WNK2: variants seen among roughly 807,000 people sequenced by gnomAD.
WNK2 encodes the protein serine/threonine-protein kinase WNK2.
A neutral mutation model predicts 192.1 loss-of-function variants in WNK2; 67 were observed. That is an observed-to-expected ratio of 0.35 (90% CI 0.29 to 0.43). WNK2 has a LOEUF of 0.43. Among genes scored for constraint, WNK2 ranks in the 20% least tolerant of loss-of-function variants. The pLI is 1.00. For missense variants in WNK2, 2,698 were observed against 3,089.7 expected (o/e 0.87, Z 3.01); for synonymous variants, 1,439 against 1,393.9 (o/e 1.03, Z -0.72).
At chr9:93,300,771 C>T (rs1295675575) in intron 26 of WNK2, among the ~76,000 whole-genome samples, 3 of 152,156 alleles carry the variant, frequency 2.0e-5, no homozygotes, top group Admixed American at 6.5e-5. Flanking sequence ...GCTGAGAGAA[C>T]GTGCTCCAGT....
intron 21 of WNK2, among the ~76,000 whole-genome samples, chr9:93,292,026 G>A (rs183450975): frequency 1.3e-5 from 2 of 152,362 alleles, no homozygotes; most frequent in Admixed American, 1.3e-4. Context: ...CTGCATGAGG[G>A]TGCCCGGGGC....
At chr9:93,210,127 G>T (rs116180315) in intron 2 of WNK2, among the ~76,000 whole-genome samples, 2,266 of 152,296 alleles carry the variant, frequency 0.015, 62 homozygotes, top group African/African-American at 0.052. Context: ...TGGTGTGGCT[G>T]ATCTGCCGAC....
At chr9:93,278,635 T>G (rs1255094876) in intron 19 of WNK2, among the ~76,000 whole-genome samples, 1 of 152,216 alleles carries the variant, frequency 6.6e-6, no homozygotes, top group Admixed American at 6.5e-5. Context: ...TCAAGAATGT[T>G]TATAGGAATA....
chr9:93,246,608 G>A (rs1206002428), intron 7 of WNK2, among the ~76,000 whole-genome samples: 1 of 152,166 alleles, frequency 6.6e-6, no homozygotes, highest in Non-Finnish European at 1.5e-5. Flanking sequence ...TTTCTTGTTT[G>A]GTCACTTTTG....
At chr9:93,287,824 G>A (rs3763635) in intron 19 of WNK2, among the ~76,000 whole-genome samples, 58,279 of 152,026 alleles carry the variant, frequency 0.38, 13,243 homozygotes, top group Admixed American at 0.51. Context: ...ACTTTGGGAG[G>A]CTGAGGCCAG....
chr9:93,211,402 C>T (rs1489104401), intron 2 of WNK2, among the ~76,000 whole-genome samples: 2 of 149,570 alleles, frequency 1.3e-5, no homozygotes, highest in African/African-American at 4.9e-5. Flanking sequence ...TATACTCACT[C>T]ATCCACTTAC....
intron 28 of WNK2, among the ~76,000 whole-genome samples, chr9:93,311,408 G>A (rs1358460073): frequency 6.6e-6 from 1 of 152,170 alleles, no homozygotes; most frequent in Non-Finnish European, 1.5e-5. Flanking sequence ...AGGTGTACAA[G>A]CATCCCTTCA....
chr9:93,202,364 G>GTGTGTGTGTGTGTGTGTGTGTGTA (rs576221975), intron 2 of WNK2, among the ~76,000 whole-genome samples: 2 of 146,174 alleles, frequency 1.4e-5, no homozygotes, highest in African/African-American at 5.0e-5. Context: ...GTGTGTGTGT[G>GTGTGTGTGTGTGTGTGTGTGTGTA]TGTATGTCTC....
At chr9:93,244,668 C>T (rs1487602891) in intron 7 of WNK2, among the ~76,000 whole-genome samples, 5 of 152,306 alleles carry the variant, frequency 3.3e-5, no homozygotes, top group Middle Eastern at 3.4e-3. Context: ...CCCGAGGCCA[C>T]GTGGAGCCTT....
chr9:93,250,995 AG>A (rs71364366), intron 8 of WNK2, among the ~76,000 whole-genome samples: 146,624 of 152,098 alleles, frequency 0.96, 70,732 homozygotes, highest in African/African-American at 0.99. Context: ...CCTGCTGGCC[AG>A]GGTTGGCCTT....
intron 19 of WNK2, among the ~76,000 whole-genome samples, chr9:93,276,681 A>C (rs978519045): frequency 2.0e-5 from 3 of 152,238 alleles, no homozygotes; most frequent in Admixed American, 6.5e-5. Context: ...CATATCCAAC[A>C]TAGTGTCTGT....
Position 93,292,804 on chromosome 9 carries a change from C to T in WNK2, c.5339C>T (p.Ser1780Phe). ...GACGTCTACCTGGACGAGGCCCCCTCCAGCCCCGACGTGAAGCTGGCAGTG... is the reference window on the plus strand; with the variant it reads ...GACGTCTACCTGGACGAGGCCCCCTTCAGCCCCGACGTGAAGCTGGCAGTG... ...PPDVYLDEAP[S>F]SPDVKLAVRR... is the part of the protein sequence containing the mutation. Residue 1780 changes from serine (S) to phenylalanine (F), a missense_variant, in exon 23 of 30, where the codon TCC (serine) becomes TTC (phenylalanine). Transcript: ENST00000427277. 1.3e-6 allele frequency: 2 copies of T among 1,541,592 alleles called. No homozygotes were observed. Among genetic ancestry groups the T allele is most frequent in the Non-Finnish European group, 1.7e-6 (2 of 1,143,664 alleles).
intron 26 of WNK2, among the ~76,000 whole-genome samples, chr9:93,304,943 C>T (rs907738851): frequency 2.0e-5 from 3 of 152,208 alleles, no homozygotes; most frequent in East Asian, 1.9e-4. Context: ...TGGAGGCCTC[C>T]GTGGGCCAGG....
At chr9:93,315,698 G>A (rs920135182) in intron 28 of WNK2, 1 of 151,960 alleles carries the variant, frequency 6.6e-6, no homozygotes, top group African/African-American at 2.4e-5. Flanking sequence ...GTTAGTACAA[G>A]TTTATTTGGG....
At chr9:93,220,603 C>A (rs750217157) in intron 2 of WNK2, among the ~76,000 whole-genome samples, 1 of 152,178 alleles carries the variant, frequency 6.6e-6, no homozygotes, top group Non-Finnish European at 1.5e-5. Flanking sequence ...GTTGGGTCTC[C>A]CTGAGGCCCT....
chr9:93,210,307 C>T lies in WNK2; in HGVS notation c.682-19389C>T, dbSNP rs190179686. 2.5e-5 allele frequency among the ~76,000 whole-genome samples: 3 copies of T among 121,388 alleles called. No individual in the cohort carries two copies. The East Asian group carries it at 6.7e-4, about 27-fold the overall frequency. The allele number at this position is 121,388 out of a possible 152,430, so 79.6% of individuals were successfully genotyped here. On this transcript the variant is annotated intron_variant, in intron 2 of 29. Coordinates refer to ENST00000427277, the MANE Select transcript of WNK2 (RefSeq NM_006648.4). ...AGGGGTGAGGGATGGGCAGGGTGGG[C>T]AGGGATGGGGGACTGGGGCGTTGCT...
intron 7 of WNK2, among the ~76,000 whole-genome samples, chr9:93,242,081 C>T (rs1001074451): frequency 1.3e-5 from 2 of 152,182 alleles, no homozygotes; most frequent in East Asian, 3.8e-4. Context: ...GAGGAGACAC[C>T]TCCTCAGGCT....
intron 28 of WNK2, among the ~76,000 whole-genome samples, chr9:93,312,525 C>T (rs188470197): frequency 6.6e-6 from 1 of 152,266 alleles, no homozygotes; most frequent in Non-Finnish European, 1.5e-5. Flanking sequence ...CAGGCTTGCA[C>T]CACCATGCCC....
chr9:93,201,581 C>G (rs10821090), intron 2 of WNK2, among the ~76,000 whole-genome samples: 82,612 of 152,154 alleles, frequency 0.54, 24,145 homozygotes, highest in Non-Finnish European at 0.64. Flanking sequence ...ACCTAAGCCC[C>G]AGGTTGGATG....
Sources: gnomAD v4.1 joint callset for allele counts (sites outside exome capture counted in the v4.1 genomes callset) on GRCh38, gnomAD v4.1.1 for gene constraint, MANE v1.5 for transcripts, NCBI Gene and HGNC (gene_info 2026-07-23, HGNC 2026-07-21) for gene names.